The following KIAA1328 variants were observed in gnomAD, a reference collection of about 807,000 sequenced individuals.
The protein encoded by KIAA1328 is protein hinderin.
In KIAA1328, 52 loss-of-function variants were observed where a neutral mutation model predicts 68.1. The ratio of observed to expected loss-of-function variants is 0.76; its 90% CI spans 0.61 to 0.96. The LOEUF (loss-of-function observed/expected upper bound fraction) is 0.96, where lower values mean the gene tolerates loss of function less well. Ranked by LOEUF, KIAA1328 falls within the 40% of genes least tolerant of loss-of-function variation. The pLI is 0.00. For synonymous variants in KIAA1328, 232 were observed against 239.4 expected, an observed-to-expected ratio of 0.97 and a Z score of 0.28; for missense variants, 641 against 677.6, an observed-to-expected ratio of 0.95 and a Z score of 0.60.
chr18:36,944,834 T>A (rs1423128124), intron 5 of KIAA1328, among the ~76,000 whole-genome samples: 1 of 152,136 alleles, frequency 6.6e-6, no homozygotes, highest in African/African-American at 2.4e-5. Context: ...ATTAATAGAT[T>A]AAAGAATACT....
chr18:37,143,230 C>T (rs2058812998), intron 7 of KIAA1328, among the ~76,000 whole-genome samples: 1 of 152,142 alleles, frequency 6.6e-6, no homozygotes, highest in South Asian at 2.1e-4. Context: ...GCTGGGATTA[C>T]AGGTGTGAGC....
intron 7 of KIAA1328, among the ~76,000 whole-genome samples, chr18:37,144,339 C>G (rs1227421849): frequency 6.6e-6 from 1 of 151,950 alleles, no homozygotes; most frequent in East Asian, 1.9e-4. Flanking sequence ...TTAATCTTTT[C>G]AAGAGGCCAA....
At chr18:37,073,259 T>C (rs2056597099) in intron 7 of KIAA1328, among the ~76,000 whole-genome samples, 1 of 152,158 alleles carries the variant, frequency 6.6e-6, no homozygotes, top group Non-Finnish European at 1.5e-5. Flanking sequence ...TTTTGCAATC[T>C]ACCCATCTGA....
chr18:36,956,675 C>T (rs372478854), intron 5 of KIAA1328, among the ~76,000 whole-genome samples: 10 of 152,094 alleles, frequency 6.6e-5, no homozygotes, highest in Non-Finnish European at 1.2e-4. Context: ...TTGTTTCAAA[C>T]GCTGACATTT....
chr18:36,830,509 A>G (rs1038323418), intron 1 of KIAA1328, among the ~76,000 whole-genome samples: 2 of 152,138 alleles, frequency 1.3e-5, no homozygotes, highest in Admixed American at 1.3e-4. Context: ...TAATTTTGTG[A>G]TGGAGGAGAT....
At chr18:37,165,705 C>A (rs2059375882) in intron 8 of KIAA1328, among the ~76,000 whole-genome samples, 1 of 151,406 alleles carries the variant, frequency 6.6e-6, no homozygotes, top group African/African-American at 2.4e-5. Context: ...GATTATCCTG[C>A]CTCAGGGTCC....
At chr18:37,073,265 T>C (rs904510045) in intron 7 of KIAA1328, among the ~76,000 whole-genome samples, 1 of 152,016 alleles carries the variant, frequency 6.6e-6, no homozygotes, top group Non-Finnish European at 1.5e-5. Flanking sequence ...AATCTACCCA[T>C]CTGAAAAAGG....
chr18:36,892,542 A>C (rs1330796997), intron 5 of KIAA1328, among the ~76,000 whole-genome samples: 1 of 152,120 alleles, frequency 6.6e-6, no homozygotes, highest in Non-Finnish European at 1.5e-5. Flanking sequence ...GAAAGAATAT[A>C]TTATGTACTT....
intron 4 of KIAA1328, among the ~76,000 whole-genome samples, chr18:36,864,253 T>A (rs1452311230): frequency 1.3e-5 from 2 of 152,170 alleles, no homozygotes; most frequent in Non-Finnish European, 1.5e-5. Flanking sequence ...TGATTGATTT[T>A]TGAAAGTTGA....
intron 5 of KIAA1328, among the ~76,000 whole-genome samples, chr18:36,901,261 T>TTTTGTTGTTCTTGG (rs2049028768): frequency 1.3e-5 from 2 of 152,050 alleles, no homozygotes; most frequent in African/African-American, 4.8e-5. Flanking sequence ...TTCTTGGGCA[T>TTTTGTTGTTCTTGG]CTTAGCTTTT....
In KIAA1328 at chr18:37,132,020, T is replaced by C. The variant is rs572954926; in HGVS notation, c.1233-28180T>C. ...CTTTAAAATGCTATTAATTTATTTT[T>C]GCCCTGCTTTCTATTATATTCTTAT... is the stretch of plus-strand genomic sequence containing the variant. On this transcript the variant is annotated intron_variant, in intron 7 of 9. Transcript: ENST00000280020. 3.9e-5 allele frequency among the ~76,000 whole-genome samples: 6 copies of C among 152,344 alleles called. No individual in the cohort carries two copies. In the South Asian group the frequency reaches 1.2e-3, roughly 32 times the overall value.
At chr18:36,968,170 A>G (rs2052021550) in intron 6 of KIAA1328, among the ~76,000 whole-genome samples, 1 of 152,172 alleles carries the variant, frequency 6.6e-6, no homozygotes, top group Admixed American at 6.6e-5. Context: ...AAACACACTT[A>G]AGTACACAGA....
At chr18:36,934,559 T>G (rs1455997762) in intron 5 of KIAA1328, among the ~76,000 whole-genome samples, 2 of 152,030 alleles carry the variant, frequency 1.3e-5, no homozygotes. Context: ...GAACATGCAG[T>G]GTTTGGTTTT....
intron 7 of KIAA1328, among the ~76,000 whole-genome samples, chr18:37,089,131 A>G (rs2057191935): frequency 6.6e-6 from 1 of 151,746 alleles, no homozygotes; most frequent in Admixed American, 6.6e-5. Flanking sequence ...ATAATTTCCT[A>G]GGAGGGTGTG....
chr18:36,885,427 AAACAG>A, intron 4 of KIAA1328, 125 bp from the exon 5 acceptor site: 1 of 507,856 alleles, frequency 2.0e-6, no homozygotes, highest in Non-Finnish European at 3.5e-6. Flanking sequence ...AGCAACAACA[AAACAG>A]AACAGAGTGT....
intron 4 of KIAA1328, among the ~76,000 whole-genome samples, chr18:36,880,942 T>A (rs758323515): frequency 6.6e-6 from 1 of 152,168 alleles, no homozygotes; most frequent in Non-Finnish European, 1.5e-5. Flanking sequence ...ACATATTATC[T>A]TTTTATATAT....
At chr18:37,209,917 C>A (rs1179287244) in intron 9 of KIAA1328, among the ~76,000 whole-genome samples, 2 of 152,142 alleles carry the variant, frequency 1.3e-5, no homozygotes, top group East Asian at 3.9e-4. Context: ...GTTATTAAAT[C>A]CCATGAGAAT....
intron 6 of KIAA1328, among the ~76,000 whole-genome samples, chr18:37,031,865 C>A (rs966808998): frequency 5.9e-5 from 9 of 151,970 alleles, no homozygotes; most frequent in Admixed American, 5.3e-4. Flanking sequence ...GCAATATGAA[C>A]CCTTAGAAGT....
At chr18:36,957,587 A>C (rs1036235342) in intron 5 of KIAA1328, among the ~76,000 whole-genome samples, 1 of 152,204 alleles carries the variant, frequency 6.6e-6, no homozygotes, top group African/African-American at 2.4e-5. Flanking sequence ...TTATAAAATT[A>C]TAAAACAAGT....
Sources: allele counts gnomAD v4.1 joint callset (sites outside exome capture counted in the v4.1 genomes callset), GRCh38; gene constraint gnomAD v4.1.1; transcripts MANE v1.5; gene names NCBI Gene and HGNC (gene_info 2026-07-23, HGNC 2026-07-21).